Variants in IL1RL1 observed in about 807,000 individuals in gnomAD.
IL1RL1 encodes interleukin 1 receptor like 1, also known as interleukin-1 receptor-like 1.
IL1RL1 carries 32 observed loss-of-function variants against 50.9 expected under a neutral mutation model. The observed-to-expected ratio is 0.63, with a 90% CI of 0.47 to 0.84. The LOEUF is 0.84. Ranked by LOEUF, IL1RL1 falls within the 40% of genes least tolerant of loss-of-function variation. IL1RL1 has a pLI of 0.00. For missense variants in IL1RL1, 773 were observed against 662.9 expected (o/e 1.17, Z -1.82); for synonymous variants, 275 against 236.0 (o/e 1.17, Z -1.51).
chr2:102,340,228 A>G lies in IL1RL1; in HGVS notation c.403A>G (p.Thr135Ala), dbSNP rs1466038000. The G allele has an allele frequency of 1.2e-6, 2 of 1,605,068 alleles. No homozygotes were observed. The highest frequency in any genetic ancestry group is 1.1e-5 in the South Asian group (1 of 89,052). Residue 135 changes from threonine to alanine, a missense_variant, in exon 4 of 11, where the codon ACC becomes GCC. Coordinates refer to ENST00000233954, the MANE Select transcript of IL1RL1 (RefSeq NM_016232.5). ...AAAAAATTCCAAAATTTATTGTCCT[A>G]CCATTGACCTCTACAACTGGACAGC... ...SEKNSKIYCPTIDLYNWTAPL... is the reference protein window; with the variant it reads ...SEKNSKIYCPAIDLYNWTAPL...
chr2:102,342,102 T>G, intron 5 of IL1RL1, 121 bp from the exon 6 acceptor site: 1 of 607,940 alleles, frequency 1.6e-6, no homozygotes, highest in Non-Finnish European at 2.9e-6. Context: ...TCATTATGGG[T>G]TATTGTCAGA....
intron 10 of IL1RL1, 58 bp from the exon 11 acceptor site, chr2:102,351,478 T>A (rs567429332): frequency 2.1e-6 from 3 of 1,422,442 alleles, no homozygotes; most frequent in East Asian, 2.3e-5. Flanking sequence ...ATGTTCAGGA[T>A]GTTTATGTTT....
chr2:102,316,459 G>A (rs1403639364), intron 1 of IL1RL1, among the ~76,000 whole-genome samples: 3 of 152,142 alleles, frequency 2.0e-5, no homozygotes, highest in African/African-American at 7.2e-5. Context: ...TAACACAGTT[G>A]CTCAAGTTCC....
At chr2:102,344,722 A>G (rs1288594427) in intron 8 of IL1RL1, 11 of 945,070 alleles carry the variant, frequency 1.2e-5, no homozygotes, top group Non-Finnish European at 1.3e-5. Context: ...TGCACAACCA[A>G]ATTATTGATA....
chr2:102,325,728 G>T (rs1384962054), intron 1 of IL1RL1, among the ~76,000 whole-genome samples: 5 of 152,190 alleles, frequency 3.3e-5, no homozygotes, highest in African/African-American at 1.2e-4. Flanking sequence ...TAGCCGATTT[G>T]ATCAACTGGA....
At chr2:102,347,825 TTCCCAGTG>T in intron 8 of IL1RL1, 112 bp from the exon 9 acceptor site, 1 of 612,204 alleles carries the variant, frequency 1.6e-6, no homozygotes, top group South Asian at 2.1e-5. Context: ...GCCATGAAAA[TTCCCAGTG>T]GGTATATCTT....
intron 5 of IL1RL1, 134 bp from the exon 6 acceptor site, chr2:102,342,089 T>TG (rs1677590189): frequency 1.4e-5 from 6 of 438,808 alleles, no homozygotes; most frequent in African/African-American, 1.1e-4. Flanking sequence ...GTGTGTGTGT[T>TG]TGTCATTATG....
At chr2:102,320,464 G>A (rs1216415639) in intron 1 of IL1RL1, among the ~76,000 whole-genome samples, 2 of 152,096 alleles carry the variant, frequency 1.3e-5, no homozygotes, top group South Asian at 2.1e-4. Context: ...CATCTATACA[G>A]TGACATATCC....
intron 1 of IL1RL1, among the ~76,000 whole-genome samples, chr2:102,325,301 A>G (rs1676963517): frequency 6.6e-6 from 1 of 152,212 alleles, no homozygotes; most frequent in East Asian, 1.9e-4. Flanking sequence ...CCTGACAGTT[A>G]GAAGGAAAAC....
At chr2:102,338,042 T>C (rs1237994049) in intron 1 of IL1RL1, 74 bp from the exon 2 acceptor site, 2 of 362,058 alleles carry the variant, frequency 5.5e-6, no homozygotes, top group Non-Finnish European at 5.0e-6. Context: ...TTCATTCTCC[T>C]GGGTGGTGCT....
chr2:102,339,134 T>G, intron 3 of IL1RL1, 87 bp downstream of exon 3: 1 of 869,636 alleles, frequency 1.1e-6, no homozygotes, highest in South Asian at 1.4e-5. Context: ...CTTTCATTCC[T>G]TCCCTAGTCC....
At chr2:102,316,637 C>T (rs746059598) in intron 1 of IL1RL1, among the ~76,000 whole-genome samples, 9 of 152,092 alleles carry the variant, frequency 5.9e-5, no homozygotes, top group Non-Finnish European at 1.2e-4. Flanking sequence ...AAAAGTATTT[C>T]AGAATTACCT....
intron 1 of IL1RL1, among the ~76,000 whole-genome samples, chr2:102,326,145 G>A (rs1246873161): frequency 1.3e-5 from 2 of 152,240 alleles, no homozygotes; most frequent in Non-Finnish European, 2.9e-5. Context: ...CAGACTAAAA[G>A]CTGATCTCTT....
At chr2:102,333,125 A>T (rs1331097963) in intron 1 of IL1RL1, among the ~76,000 whole-genome samples, 1 of 152,164 alleles carries the variant, frequency 6.6e-6, no homozygotes, top group Non-Finnish European at 1.5e-5. Flanking sequence ...GAGGTGGAAG[A>T]CTTTGGAGGC....
intron 8 of IL1RL1, chr2:102,343,742 A>G (rs1677674885): frequency 1.6e-6 from 2 of 1,227,814 alleles, no homozygotes; most frequent in Middle Eastern, 3.4e-4. Flanking sequence ...GAAATGCACC[A>G]ACAACCGTAA....
intron 1 of IL1RL1, among the ~76,000 whole-genome samples, chr2:102,312,634 G>A (rs1676551593): frequency 6.6e-6 from 1 of 152,058 alleles, no homozygotes; most frequent in Non-Finnish European, 1.5e-5. Flanking sequence ...ATACCCATCT[G>A]CAAGAAGAAA....
chr2:102,316,008 C>A (rs1676663083), intron 1 of IL1RL1, among the ~76,000 whole-genome samples: 2 of 152,174 alleles, frequency 1.3e-5, no homozygotes, highest in Non-Finnish European at 2.9e-5. Context: ...CACTTTCATC[C>A]TCCCCTTATC....
intron 1 of IL1RL1, among the ~76,000 whole-genome samples, chr2:102,329,931 C>G (rs906608435): frequency 1.3e-5 from 2 of 152,152 alleles, no homozygotes; most frequent in Non-Finnish European, 2.9e-5. Context: ...GTCAGTGTGG[C>G]GATTCCTCAG....
chr2:102,341,358 G>A, intron 5 of IL1RL1: 1 of 1,202,758 alleles, frequency 8.3e-7, no homozygotes, highest in Non-Finnish European at 1.1e-6. Flanking sequence ...ATGGCCTTGA[G>A]TAAGTCACTT....
Sources: allele counts gnomAD v4.1 joint callset (sites outside exome capture counted in the v4.1 genomes callset), GRCh38; gene constraint gnomAD v4.1.1; transcripts MANE v1.5; gene names NCBI Gene and HGNC (gene_info 2026-07-23, HGNC 2026-07-21).